Variants in PANK3 observed in about 807,000 individuals in gnomAD.
The protein encoded by PANK3 is hPanK3.
PANK3 carries 20 observed loss-of-function variants against 39.4 expected under a neutral mutation model. The observed-to-expected ratio is 0.51, with a 90% CI of 0.36 to 0.74. The LOEUF (loss-of-function observed/expected upper bound fraction) is 0.74, where lower values mean the gene tolerates loss of function less well. PANK3 is among the 30% of genes least tolerant of loss of function. PANK3 has a pLI of 0.00. For synonymous variants in PANK3, 140 were observed against 157.3 expected, an observed-to-expected ratio of 0.89 and a Z score of 0.82; for missense variants, 265 against 437.0, an observed-to-expected ratio of 0.61 and a Z score of 3.51.
At chr5:168,564,111 T>C (rs762043211) in intron 3 of PANK3, 46 bp from the exon 4 acceptor site, 3 of 1,471,612 alleles carry the variant, frequency 2.0e-6, no homozygotes, top group South Asian at 2.7e-5. Flanking sequence ...ATACATTATA[T>C]TCTTTCTCTA....
chr5:168,570,380 G>A (rs1234587996), intron 1 of PANK3, among the ~76,000 whole-genome samples: 6 of 127,636 alleles, frequency 4.7e-5, no homozygotes, highest in South Asian at 2.6e-4. Context: ...GCAAGACTCC[G>A]TCTCAAAAAA....
At chr5:168,573,516 C>T (rs560877569) in intron 1 of PANK3, among the ~76,000 whole-genome samples, 3 of 141,170 alleles carry the variant, frequency 2.1e-5, no homozygotes, top group Non-Finnish European at 4.6e-5. Context: ...TTGTTTAAAT[C>T]TTTTTTTAAA....
Position 168,568,983 on chromosome 5 carries a change from C to T in PANK3, c.44G>A (p.Gly15Asp), listed in dbSNP as rs1165039293. 1.3e-5 allele frequency: 18 copies of T among 1,408,812 alleles called. No individual in the cohort carries two copies. Among genetic ancestry groups the T allele is most frequent in the Non-Finnish European group, 3.8e-6 (4 of 1,055,288 alleles). The allele number at this position is 1,408,812 out of a possible 1,614,324, so 87.3% of individuals were successfully genotyped here. Residue 15 changes from glycine to aspartate, a missense_variant, in exon 2 of 7, where the codon GGC becomes GAC. Physicochemically the swap from Gly to Asp is moderately conservative, Grantham distance 94 (BLOSUM62 -1). Coordinates refer to ENST00000239231, the MANE Select transcript of PANK3 (RefSeq NM_024594.4). ...DAKKPSFPWF[G>D]MDIGGTLVKL... ...TACTAGAGTTCCCCCAATGTCCATG[C>T]CAAACCATGGGAAAGCTATGGGAGG...
In PANK3 at chr5:168,568,942, C is replaced by A. The variant is rs765982316; in HGVS notation, c.85G>T (p.Glu29Ter). ...TCCTCTGCTGTGATATCAATAGGTTCAAAGTACGAGAGCTTTACTAGAGTT... is the reference window on the plus strand; with the variant it reads ...TCCTCTGCTGTGATATCAATAGGTTAAAAGTACGAGAGCTTTACTAGAGTT... ...GGTLVKLSYF[E>*]PIDITAEEEQ... Residue 29 changes from glutamate (E) to a stop codon, truncating the protein, a stop_gained, in exon 2 of 7, where the codon GAA becomes TAA. Transcript: ENST00000239231. LOFTEE classifies it high-confidence loss of function. The A allele has an allele frequency of 1.3e-6, 2 of 1,575,396 alleles. No individual in the cohort carries two copies. The highest frequency in any genetic ancestry group is 2.2e-5 in the South Asian group (2 of 90,086).
At chr5:168,564,303 A>G (rs1759489864) in intron 3 of PANK3, among the ~76,000 whole-genome samples, 1 of 152,210 alleles carries the variant, frequency 6.6e-6, no homozygotes, top group Non-Finnish European at 1.5e-5. Context: ...GAAAGGAAAG[A>G]CCTATTAAAT....
At chr5:168,566,825 C>T (rs1759542833) in intron 2 of PANK3, among the ~76,000 whole-genome samples, 2 of 152,162 alleles carry the variant, frequency 1.3e-5, no homozygotes, top group South Asian at 4.1e-4. Flanking sequence ...CTCACTGCAA[C>T]CTCCACCTCG....
At position 168,549,981 on chromosome 5, in the gene PANK3, T is replaced by C. The variant is rs1759252855; in HGVS notation, c.*7590A>G. On this transcript the variant is annotated 3_prime_UTR_variant, in exon 7 of 7. Transcript: ENST00000239231. Reference sequence around the variant, plus strand: ...TATCCCCACTCACAATGATCAGAAATAAGAAACAGCTTTTTAAAAAGGGCC... The same window carrying C: ...TATCCCCACTCACAATGATCAGAAACAAGAAACAGCTTTTTAAAAAGGGCC... 6.6e-6 allele frequency: 1 copy of C among 152,044 alleles called. No homozygotes were observed. Among genetic ancestry groups the C allele is most frequent in the African/African-American group, 2.4e-5 (1 of 41,398 alleles). The allele number at this position is 152,044 out of a possible 1,614,324, so 9.4% of individuals were successfully genotyped here.
rs1759791092 is a variant in PANK3, at chr5:168,579,319, C to A, written c.-36G>T. The A allele has an allele frequency of 1.4e-6, 2 of 1,456,672 alleles. No homozygotes were observed. The highest frequency in any genetic ancestry group is 2.6e-5 in the Admixed American group (1 of 38,030). 90.2% of individuals were successfully genotyped at this position (1,456,672 alleles called of 1,614,324 possible). ...CGAGGGGCGATGGACGGCCTCCGATCCGGGGCACTGAGAGCAGAGGCGGCG... is the reference window on the plus strand; with the variant it reads ...CGAGGGGCGATGGACGGCCTCCGATACGGGGCACTGAGAGCAGAGGCGGCG... On this transcript the variant is annotated 5_prime_UTR_variant, in exon 1 of 7. Coordinates refer to ENST00000239231, the MANE Select transcript of PANK3 (RefSeq NM_024594.4).
At chr5:168,565,886 T>TATATATA (rs56668677) in intron 3 of PANK3, 127 bp downstream of exon 3, 15 of 167,856 alleles carry the variant, frequency 8.9e-5, no homozygotes, top group African/African-American at 2.2e-4. Flanking sequence ...TATATATATA[T>TATATATA]TTTTTTTTTT....
intron 1 of PANK3, among the ~76,000 whole-genome samples, chr5:168,572,841 T>C (rs1481752457): frequency 6.6e-6 from 1 of 152,002 alleles, no homozygotes; most frequent in Non-Finnish European, 1.5e-5. Flanking sequence ...GGAGAGATAA[T>C]GGGCGGTGTT....
intron 2 of PANK3, among the ~76,000 whole-genome samples, chr5:168,568,253 A>C (rs1759566783): frequency 6.6e-6 from 1 of 152,364 alleles, no homozygotes; most frequent in Non-Finnish European, 1.5e-5. Context: ...GGGTTTGGGA[A>C]GGAGATGGCC....
chr5:168,579,168 G>T, intron 1 of PANK3, 88 bp downstream of exon 1: 2 of 1,252,442 alleles, frequency 1.6e-6, no homozygotes, highest in Non-Finnish European at 2.1e-6. Flanking sequence ...GGAGCGACGG[G>T]CTTGGAAGCC....
In PANK3 at chr5:168,568,774, T is replaced by TA. The variant is rs771616770; in HGVS notation, c.252dup (p.Ile85TyrfsTer18). ...GGCAGGTCCTGGGTTGGAAACCTGA[T>TA]AAAGTGCAAGTTCCCTCTTCGGCCA... is the stretch of plus-strand genomic sequence containing the variant. On this transcript the variant is annotated frameshift_variant, in exon 2 of 7. Coordinates refer to ENST00000239231, the MANE Select transcript of PANK3 (RefSeq NM_024594.4). LOFTEE classifies it high-confidence loss of function. 6.2e-7 allele frequency: 1 copy of TA among 1,614,004 alleles called. No individual in the cohort carries two copies. The highest frequency in any genetic ancestry group is 1.3e-5 in the African/African-American group (1 of 74,912).
At position 168,549,015 on chromosome 5, in the gene PANK3, T is replaced by G. The variant is rs1759234254; in HGVS notation, c.*8556A>C. ...AAGGATTCCTTAGATTGGGACATAATAACATCTTCTGAGTACACTTTGGTC... is the reference window on the plus strand; with the variant it reads ...AAGGATTCCTTAGATTGGGACATAAGAACATCTTCTGAGTACACTTTGGTC... On this transcript the variant is annotated 3_prime_UTR_variant, in exon 7 of 7. Transcript: ENST00000239231. 1 of 152,172 alleles carries G rather than the reference T, an allele frequency of 6.6e-6. No homozygotes were observed. Among genetic ancestry groups the G allele is most frequent in the African/African-American group, 2.4e-5 (1 of 41,442 alleles). The allele number at this position is 152,172 out of a possible 1,614,324, so 9.4% of individuals were successfully genotyped here.
Position 168,561,498 on chromosome 5 carries a change from A to G in PANK3, c.831T>C (p.Tyr277=). The G allele has an allele frequency of 6.3e-7, 1 of 1,585,206 alleles. No homozygotes were observed. ...AVASSFGNMI[Y]KEKRESVSKE... ...TACTAACAGATTCTCGCTTCTCCTT[A>G]TAAATCATATTCCCAAAACTGCAGA... Residue 277 remains tyrosine (Y), a synonymous_variant, in exon 5 of 7, where the codon TAT becomes TAC. Coordinates refer to ENST00000239231, the MANE Select transcript of PANK3 (RefSeq NM_024594.4).
At chr5:168,559,871 G>A (rs563584552) in intron 5 of PANK3, among the ~76,000 whole-genome samples, 10 of 152,238 alleles carry the variant, frequency 6.6e-5, no homozygotes, top group African/African-American at 2.4e-4. Flanking sequence ...TAGGATTCTA[G>A]CATTCTTTCT....
chr5:168,572,729 T>C (rs1759661379), intron 1 of PANK3, among the ~76,000 whole-genome samples: 1 of 152,160 alleles, frequency 6.6e-6, no homozygotes, highest in African/African-American at 2.4e-5. Flanking sequence ...TGGCTTAGCT[T>C]GGGCTCAGAG....
intron 3 of PANK3, among the ~76,000 whole-genome samples, chr5:168,565,373 T>A (rs555933709): frequency 3.9e-5 from 6 of 152,284 alleles, no homozygotes; most frequent in Admixed American, 6.5e-5. Context: ...GGAACATTAA[T>A]GTTATCACAA....
rs1359608903 is a variant in PANK3, at chr5:168,554,922, T to C, written c.*2649A>G. 6.6e-6 allele frequency: 1 copy of C among 152,228 alleles called. No individual in the cohort carries two copies. Among genetic ancestry groups the C allele is most frequent in the Non-Finnish European group, 1.5e-5 (1 of 68,044 alleles). The allele number at this position is 152,228 out of a possible 1,614,324, so 9.4% of individuals were successfully genotyped here. A position where few individuals can be genotyped will look rare whatever the true frequency, so the allele number is the denominator to read the frequency against. ...TTTGGTTAATGTGAACTATGATTCA[T>C]ATATTTTATCCTTTCAAACTGAAAT... On this transcript the variant is annotated 3_prime_UTR_variant, in exon 7 of 7. Transcript: ENST00000239231.
Sources: allele counts gnomAD v4.1 joint callset (sites outside exome capture counted in the v4.1 genomes callset), GRCh38; gene constraint gnomAD v4.1.1; transcripts MANE v1.5; gene names NCBI Gene and HGNC (gene_info 2026-07-23, HGNC 2026-07-21).